Variants in CCDC62 observed in about 807,000 individuals in gnomAD.
CCDC62 encodes the protein coiled-coil domain-containing protein 62.
A neutral mutation model predicts 80.8 loss-of-function variants in CCDC62; 72 were observed. The ratio of observed to expected loss-of-function variants is 0.89; its 90% confidence interval spans 0.74 to 1.08. CCDC62 has a LOEUF of 1.08. Ranked by LOEUF, CCDC62 falls within the 50% of genes least tolerant of loss-of-function variation. The pLI, the probability that CCDC62 is intolerant of heterozygous loss-of-function variation, is 0.00. For missense variants in CCDC62, 704 were observed against 809.4 expected, an observed-to-expected ratio of 0.87 and a Z score of 1.58; for synonymous variants, 286 against 296.5, an observed-to-expected ratio of 0.96 and a Z score of 0.36.
In CCDC62 at chr12:122,820,790, G is replaced by A. The variant is rs369255791; in HGVS notation, c.2002-2576G>A. Among the ~76,000 whole-genome samples, 37 of 148,636 alleles carry A rather than the reference G, an allele frequency of 2.5e-4. 1 individual carries two copies. The South Asian group carries it at 4.7e-3, about 19-fold the overall frequency. ...CAGGTGGCGGAGGTTGCAGTGAGCC[G>A]AGATCACGCCACTGCACTCCAGCCT... On this transcript the variant is annotated intron_variant, in intron 11 of 12. Coordinates refer to ENST00000253079, the MANE Select transcript of CCDC62 (RefSeq NM_201435.5).
intron 8 of CCDC62, 62 bp from the exon 9 acceptor site, chr12:122,801,062 G>A: frequency 1.3e-6 from 2 of 1,510,124 alleles, no homozygotes; most frequent in Non-Finnish European, 1.8e-6. Context: ...TGGGTGAAAT[G>A]TTTAGAATGA....
At position 122,777,694 on chromosome 12, in the gene CCDC62, C is replaced by A. The variant is rs375464586; in HGVS notation, c.229+11C>A. The A allele has an allele frequency of 1.3e-5, 21 of 1,610,490 alleles. No individual in the cohort carries two copies. The highest frequency in any genetic ancestry group is 1.7e-5 in the Non-Finnish European group (20 of 1,176,956). Reference sequence around the variant, plus strand: ...GCAGCAAATTAGAAGGTCAGAAATACATTCAGGGACAACAGTTATGCACTT... The same window carrying A: ...GCAGCAAATTAGAAGGTCAGAAATAAATTCAGGGACAACAGTTATGCACTT... On this transcript the variant is annotated intron_variant, in intron 2 of 12. Transcript: ENST00000253079.
chr12:122,811,820 GC>G (rs2031902118), intron 10 of CCDC62, among the ~76,000 whole-genome samples: 2 of 36,984 alleles, frequency 5.4e-5, no homozygotes. Context: ...GACTCCATCT[GC>G]AAAAAAAAAA....
At chr12:122,781,390 GA>G (rs1297460322) in intron 3 of CCDC62, 60 bp downstream of exon 3, 32 of 1,549,234 alleles carry the variant, frequency 2.1e-5, no homozygotes, top group Non-Finnish European at 2.7e-5. Context: ...TTCAGTTATT[GA>G]AAAATTAGAT....
At chr12:122,785,633 G>A in intron 3 of CCDC62, 86 bp from the exon 4 acceptor site, 1 of 887,686 alleles carries the variant, frequency 1.1e-6, no homozygotes, top group Non-Finnish European at 1.9e-6. Flanking sequence ...AAACAAAATA[G>A]AGAAGTAAGC....
chr12:122,781,407 C>T (rs577578775), intron 3 of CCDC62, 77 bp downstream of exon 3: 23 of 1,396,174 alleles, frequency 1.6e-5, no homozygotes, highest in East Asian at 4.7e-5. Flanking sequence ...TAGATTTGAC[C>T]GGGCACGGTG....
intron 3 of CCDC62, among the ~76,000 whole-genome samples, chr12:122,783,628 A>G (rs940513960): frequency 6.6e-5 from 10 of 152,212 alleles, no homozygotes; most frequent in Admixed American, 1.3e-4. Flanking sequence ...TTAAAAGAAT[A>G]CTATTCTAGA....
chr12:122,785,684 A>G (rs1010107752), intron 3 of CCDC62, 35 bp from the exon 4 acceptor site: 7 of 1,355,760 alleles, frequency 5.2e-6, no homozygotes, highest in African/African-American at 4.3e-5. Context: ...CTTTAAAAGG[A>G]CTCAAGCAGT....
At chr12:122,790,223 G>C (rs909063403) in intron 5 of CCDC62, among the ~76,000 whole-genome samples, 3 of 151,872 alleles carry the variant, frequency 2.0e-5, no homozygotes, top group African/African-American at 7.3e-5. Flanking sequence ...GCTAATTTTT[G>C]TATTTTTAGT....
chr12:122,801,398 C>T lies in CCDC62; in HGVS notation c.1252C>T (p.Gln418Ter). Reference sequence around the variant, plus strand: ...CCCTTGGTCTCTGGGAGGAAAAACCCAGATTGAACCCGAAAACAAAATTAC... The same window carrying T: ...CCCTTGGTCTCTGGGAGGAAAAACCTAGATTGAACCCGAAAACAAAATTAC... ...NLPWSLGGKT[Q>*]IEPENKITLC... is the part of the protein sequence containing the mutation. Residue 418 changes from glutamine to a stop codon, truncating the protein, a stop_gained, in exon 9 of 13, where the codon CAG (glutamine) becomes TAG (stop). Coordinates refer to ENST00000253079, the MANE Select transcript of CCDC62 (RefSeq NM_201435.5). LOFTEE classifies it high-confidence loss of function. 2.5e-6 allele frequency: 4 copies of T among 1,614,112 alleles called. No individual in the cohort carries two copies. The highest frequency in any genetic ancestry group is 3.4e-6 in the Non-Finnish European group (4 of 1,180,016).
At chr12:122,807,226 TA>T (rs1171449425) in intron 10 of CCDC62, among the ~76,000 whole-genome samples, 2 of 152,074 alleles carry the variant, frequency 1.3e-5, no homozygotes, top group Non-Finnish European at 2.9e-5. Context: ...AATAAAATTT[TA>T]AAAACATAAA....
intron 10 of CCDC62, 105 bp downstream of exon 10, chr12:122,806,400 C>T (rs945923011): frequency 1.4e-6 from 1 of 717,704 alleles, no homozygotes; most frequent in Non-Finnish European, 2.0e-6. Flanking sequence ...TTGGCTATTC[C>T]TCCGTTTTTT....
Position 122,774,603 on chromosome 12 carries a change from G to T in CCDC62, c.-68G>T. On this transcript the variant is annotated 5_prime_UTR_variant, in exon 1 of 13. Transcript: ENST00000253079. ...GGCTCGCCCCCGCCGCTCGGGGCAG[G>T]CGCGCCGATGGCGTTTCTGAGGTGA... is the stretch of plus-strand genomic sequence containing the variant. The T allele has an allele frequency of 1.7e-6, 2 of 1,174,894 alleles. No individual in the cohort carries two copies. The highest frequency in any genetic ancestry group is 2.2e-6 in the Non-Finnish European group (2 of 926,652). The allele number at this position is 1,174,894 out of a possible 1,614,324, so 72.8% of individuals were successfully genotyped here.
intron 4 of CCDC62, among the ~76,000 whole-genome samples, chr12:122,787,901 G>A (rs2030367572): frequency 6.6e-6 from 1 of 152,178 alleles, no homozygotes; most frequent in African/African-American, 2.4e-5. Flanking sequence ...GACTGTCGTG[G>A]GTGTCCTGGT....
chr12:122,775,412 T>G (rs1362431934), intron 1 of CCDC62, among the ~76,000 whole-genome samples: 3 of 152,188 alleles, frequency 2.0e-5, no homozygotes, highest in Non-Finnish European at 4.4e-5. Flanking sequence ...GTACTCGGCT[T>G]ACTGCCTGTT....
intron 11 of CCDC62, among the ~76,000 whole-genome samples, chr12:122,820,613 G>T (rs1264339852): frequency 6.6e-6 from 1 of 152,146 alleles, no homozygotes; most frequent in Non-Finnish European, 1.5e-5. Flanking sequence ...GGAGGCCCAG[G>T]CAGGCAGATC....
At chr12:122,822,090 C>CACACACACACAT (rs58333409) in intron 11 of CCDC62, among the ~76,000 whole-genome samples, 1 of 119,212 alleles carries the variant, frequency 8.4e-6, no homozygotes, top group Non-Finnish European at 1.7e-5. Context: ...CACACACACA[C>CACACACACACAT]GACATTATTT....
At position 122,827,137 on chromosome 12, in the gene CCDC62, C is replaced by G. The variant is rs1566094562; in HGVS notation, c.*756C>G. The G allele has an allele frequency of 2.6e-5, 4 of 152,184 alleles. No homozygotes were observed. Among genetic ancestry groups the G allele is most frequent in the African/African-American group, 4.8e-5 (2 of 41,446 alleles). 9.4% of individuals were successfully genotyped at this position (152,184 alleles called of 1,614,324 possible). ...GTAATTTAATTTTTTAAAGATTATA[C>G]TATATGCCTCTGTGTCTTCTCTAAA... On this transcript the variant is annotated 3_prime_UTR_variant, in exon 13 of 13. Coordinates refer to ENST00000253079, the MANE Select transcript of CCDC62 (RefSeq NM_201435.5).
intron 10 of CCDC62, among the ~76,000 whole-genome samples, chr12:122,809,036 A>T (rs182172101): frequency 4.6e-5 from 7 of 152,342 alleles, no homozygotes; most frequent in Admixed American, 3.9e-4. Flanking sequence ...TCACACGCTA[A>T]ACCACCATCT....
Sources: gnomAD v4.1 joint callset for allele counts (sites outside exome capture counted in the v4.1 genomes callset) on GRCh38, gnomAD v4.1.1 for gene constraint, MANE v1.5 for transcripts, NCBI Gene and HGNC (gene_info 2026-07-23, HGNC 2026-07-21) for gene names.